PAX2: variants seen among roughly 807,000 people sequenced by gnomAD.
PAX2 encodes the protein paired box 2, also known as paired box protein Pax-2.
In PAX2, 9 loss-of-function variants were observed where a neutral mutation model predicts 41.7. The observed-to-expected ratio is 0.22, with a 90% confidence interval of 0.13 to 0.38. The LOEUF (loss-of-function observed/expected upper bound fraction) is 0.38. Ranked by LOEUF, PAX2 falls within the 10% of genes least tolerant of loss-of-function variation. The pLI, the probability that PAX2 is intolerant of heterozygous loss-of-function variation, is 1.00. For missense variants in PAX2, 418 were observed against 531.6 expected, an observed-to-expected ratio of 0.79 and a Z score of 2.10; for synonymous variants, 221 against 212.7, an observed-to-expected ratio of 1.04 and a Z score of -0.34.
intron 7 of PAX2, among the ~76,000 whole-genome samples, chr10:100,819,247 CAA>C (rs869171435): frequency 3.7e-5 from 4 of 106,830 alleles, no homozygotes; most frequent in Admixed American, 2.1e-4. Context: ...GACTCTGTCT[CAA>C]AAAAAAAAAA....
chr10:100,824,183 G>T lies in PAX2; in HGVS notation c.920-465G>T, dbSNP rs1309944910. ...TGGTGGGGTGTCCTCCAAGCCTGAA[G>T]GAAAGATGGGGTGTTAGGGAGAGGA... is the stretch of plus-strand genomic sequence containing the variant. On this transcript the variant is annotated intron_variant, in intron 7 of 9. Coordinates refer to ENST00000355243, the MANE Select transcript of PAX2 (RefSeq NM_000278.5). The surrounding 1 kb of genome is among the most constrained non-coding windows in gnomAD (Gnocchi z 6.6). 6.6e-6 allele frequency among the ~76,000 whole-genome samples: 1 copy of T among 152,120 alleles called. No individual in the cohort carries two copies. The highest frequency in any genetic ancestry group is 1.5e-5 in the Non-Finnish European group (1 of 68,028).
intron 3 of PAX2, among the ~76,000 whole-genome samples, chr10:100,761,555 A>C (rs1589825790): frequency 6.6e-6 from 1 of 152,258 alleles, no homozygotes; most frequent in East Asian, 1.9e-4. Context: ...TCCGAATGTG[A>C]TAAATGCTAA....
At chr10:100,739,246 C>A (rs539927530) in intron 1 of PAX2, among the ~76,000 whole-genome samples, 225 of 152,318 alleles carry the variant, frequency 1.5e-3, no homozygotes, top group African/African-American at 5.3e-3. Flanking sequence ...GCCGCTCTCG[C>A]CCCTGGTCCC....
At chr10:100,754,483 C>G (rs1279119926) in intron 3 of PAX2, among the ~76,000 whole-genome samples, 1 of 152,240 alleles carries the variant, frequency 6.6e-6, no homozygotes. Flanking sequence ...TATCCACACT[C>G]TCTCTTAGCC....
Position 100,750,844 on chromosome 10 carries a change from G to A in PAX2, c.363G>A (p.Glu121=). 6.2e-7 allele frequency: 1 copy of A among 1,614,150 alleles called. No homozygotes were observed. Among genetic ancestry groups the A allele is most frequent in the East Asian group, 2.2e-5 (1 of 44,892 alleles). ...AGATTCGAGACCGGCTCCTGGCCGAGGGCATCTGTGACAATGACACAGTGC... is the reference window on the plus strand; with the variant it reads ...AGATTCGAGACCGGCTCCTGGCCGAAGGCATCTGTGACAATGACACAGTGC... ...AWEIRDRLLA[E]GICDNDTVPS... The change falls in exon 3 of 10, where the codon GAG becomes GAA. Residue 121 remains glutamate, a synonymous_variant. Transcript: ENST00000355243. This position sits in a 1 kb window ranked among gnomAD's most constrained non-coding sequence, Gnocchi z 4.1.
intron 8 of PAX2, among the ~76,000 whole-genome samples, chr10:100,825,174 C>A (rs972107451): frequency 2.4e-4 from 37 of 152,138 alleles, no homozygotes; most frequent in Admixed American, 2.4e-3. Context: ...TCAGACAAAG[C>A]CACCCTGGTC....
chr10:100,804,521 A>T (rs1589877808), intron 5 of PAX2, among the ~76,000 whole-genome samples: 1 of 152,226 alleles, frequency 6.6e-6, no homozygotes, highest in East Asian at 1.9e-4. Flanking sequence ...GGGAGAATCA[A>T]ACACAATAGG....
chr10:100,758,282 A>G (rs989590406), intron 3 of PAX2, among the ~76,000 whole-genome samples: 4 of 151,728 alleles, frequency 2.6e-5, no homozygotes, highest in Admixed American at 6.6e-5. Context: ...CTGGGACTAT[A>G]GGCGCCCACC....
At position 100,779,602 on chromosome 10, in the gene PAX2, G is replaced by A; in HGVS notation, c.496+19G>A. 1 of 1,547,516 alleles carries A rather than the reference G, an allele frequency of 6.5e-7. No homozygotes were observed. Among genetic ancestry groups the A allele is most frequent in the Non-Finnish European group, 8.8e-7 (1 of 1,137,386 alleles). The stretch of plus-strand genomic sequence containing the variant: ...ACCATTGGTAAGAGGGCTCAGGGAA[G>A]GGGAGGAAACCAGATCCCACCTAGA... On this transcript the variant is annotated intron_variant, in intron 4 of 9. Coordinates refer to ENST00000355243, the MANE Select transcript of PAX2 (RefSeq NM_000278.5).
chr10:100,812,696 C>G lies in PAX2; in HGVS notation c.919+3460C>G, dbSNP rs77818014. On this transcript the variant is annotated intron_variant, in intron 7 of 9. Transcript: ENST00000355243. The stretch of plus-strand genomic sequence containing the variant: ...TCACCTTGACCCCCCCTCCCCATGT[C>G]TGGCCGGGGCTCCAGTGACAAAGGA... 4.4e-3 allele frequency among the ~76,000 whole-genome samples: 668 copies of G among 152,336 alleles called. 5 individuals are homozygous for G. Among genetic ancestry groups the G allele is most frequent in the African/African-American group, 0.015 (640 of 41,576 alleles).
intron 7 of PAX2, among the ~76,000 whole-genome samples, chr10:100,814,714 G>A (rs1037967998): frequency 4.6e-5 from 7 of 152,252 alleles, no homozygotes; most frequent in Non-Finnish European, 1.0e-4. Context: ...GGAAGCCTCC[G>A]TAGCTTCCCC....
chr10:100,750,344 C>T lies in PAX2; in HGVS notation c.213-350C>T, dbSNP rs1589812980. Among the ~76,000 whole-genome samples the T allele has an allele frequency of 6.6e-6, 1 of 152,106 alleles. No individual in the cohort carries two copies. The highest frequency in any genetic ancestry group is 6.5e-5 in the Admixed American group (1 of 15,274). ...GCTCTGTGCCCAGTAGGAAAGGGCT[C>T]GAGGTGGTGCCTCAACCCTGGCCTC... On this transcript the variant is annotated intron_variant, in intron 2 of 9. Transcript: ENST00000355243. The surrounding 1 kb of genome is among the most constrained non-coding windows in gnomAD (Gnocchi z 4.1).
intron 3 of PAX2, among the ~76,000 whole-genome samples, chr10:100,777,612 C>G (rs1846443988): frequency 6.6e-6 from 1 of 152,088 alleles, no homozygotes; most frequent in Non-Finnish European, 1.5e-5. Flanking sequence ...CCAGGCTGGT[C>G]TCAAACTCCT....
Position 100,829,416 on chromosome 10 carries a change from T to C in PAX2, c.*1797T>C, listed in dbSNP as rs920175738. The C allele has an allele frequency of 8.7e-5, 18 of 205,822 alleles. No individual in the cohort carries two copies. The highest frequency in any genetic ancestry group is 1.8e-4 in the Non-Finnish European group (18 of 100,516). The allele number at this position is 205,822 out of a possible 1,614,324, so 12.7% of individuals were successfully genotyped here. ...CCCCGGGCTCGCCCCCTCGCGGGCG[T>C]GCCCCGCGCGCCCCGGGCGGCCGAA... On this transcript the variant is annotated 3_prime_UTR_variant, in exon 10 of 10. Transcript: ENST00000355243.
chr10:100,819,208 A>C (rs1848293473), intron 7 of PAX2, among the ~76,000 whole-genome samples: 1 of 150,890 alleles, frequency 6.6e-6, no homozygotes, highest in South Asian at 2.1e-4. Context: ...AGATTGCACC[A>C]CTGCACTCCA....
chr10:100,812,349 C>T (rs777469327), intron 7 of PAX2, among the ~76,000 whole-genome samples: 13 of 152,362 alleles, frequency 8.5e-5, no homozygotes, highest in African/African-American at 1.2e-4. Context: ...CTCCAGCCCA[C>T]GGCTCTAGGC....
In PAX2 at chr10:100,791,187, C is replaced by T. The variant is rs993478721; in HGVS notation, c.616+9822C>T. ...GCTCCGCCTGCCTGCTTCAAAGCAC[C>T]CTTTGTGCTCATCTCTACTGGAGAC... On this transcript the variant is annotated intron_variant, in intron 5 of 9. Transcript: ENST00000355243. This position sits in a 1 kb window ranked among gnomAD's most constrained non-coding sequence, Gnocchi z 4.5. 6.6e-6 allele frequency among the ~76,000 whole-genome samples: 1 copy of T among 152,196 alleles called. No individual in the cohort carries two copies. Among genetic ancestry groups the T allele is most frequent in the South Asian group, 2.1e-4 (1 of 4,830 alleles).
At chr10:100,825,118 A>C (rs1012646390) in intron 8 of PAX2, 2 of 782,476 alleles carry the variant, frequency 2.6e-6, no homozygotes, top group African/African-American at 3.4e-5. Flanking sequence ...CCTGGTTTCC[A>C]TGGAAACTTG....
At chr10:100,768,134 C>T (rs1465635847) in intron 3 of PAX2, among the ~76,000 whole-genome samples, 1 of 151,940 alleles carries the variant, frequency 6.6e-6, no homozygotes, top group Admixed American at 6.6e-5. Flanking sequence ...AGGAAGGGAA[C>T]AATGATGGTG....
Sources: allele counts gnomAD v4.1 joint callset (sites outside exome capture counted in the v4.1 genomes callset), GRCh38; gene constraint gnomAD v4.1.1; non-coding constraint Gnocchi (gnomAD v3.1); transcripts MANE v1.5; gene names NCBI Gene and HGNC (gene_info 2026-07-23, HGNC 2026-07-21).